Variants in ANKRD36C observed in about 807,000 individuals in gnomAD.
The protein encoded by ANKRD36C is ankyrin repeat domain 36C.
A neutral mutation model predicts 276.4 loss-of-function variants in ANKRD36C; 61 were observed. The ratio of observed to expected loss-of-function variants is 0.22; its 90% CI spans 0.18 to 0.27. The LOEUF is 0.27. Ranked by LOEUF, ANKRD36C falls within the 10% of genes least tolerant of loss-of-function variation. The pLI, the probability that ANKRD36C is intolerant of heterozygous loss-of-function variation, is 1.00. For synonymous variants in ANKRD36C, 483 were observed against 680.1 expected (o/e 0.71, Z 4.51); for missense variants, 1,447 against 2,032.3 (o/e 0.71, Z 5.54).
chr2:95,889,860 G>T, exon 48 of ANKRD36C: 7 of 1,604,316 alleles, frequency 4.4e-6, no homozygotes, highest in Non-Finnish European at 6.0e-6. Context: ...AATTTTCCTT[G>T]TCACTTGTAG....
Position 95,851,887 on chromosome 2 carries a change from A to G in ANKRD36C, c.5220-100T>C, listed in dbSNP as rs1395897164. On this transcript the variant is annotated intron_variant, in intron 65 of 66. Transcript: ENST00000456556. ...TGAAGGTATAATTACACAAATTCTT[A>G]GCAATCACAAAAGTAGACGATTGGG... 3 of 1,305,876 alleles carry G rather than the reference A, an allele frequency of 2.3e-6. No homozygotes were observed. In the African/African-American group the frequency reaches 4.5e-5, roughly 20 times the overall value. 80.9% of individuals were successfully genotyped at this position (1,305,876 alleles called of 1,614,324 possible).
downstream of ANKRD36C, among the ~76,000 whole-genome samples, chr2:95,849,790 A>C (rs1414176479): frequency 6.6e-6 from 1 of 152,198 alleles, no homozygotes; most frequent in Non-Finnish European, 1.5e-5. Flanking sequence ...CTCCTGTGAG[A>C]ATCTAATGGC....
chr2:95,897,306 C>G lies in ANKRD36C; in HGVS notation c.2755+1839G>C. The G allele has an allele frequency of 2.0e-6, 3 of 1,536,814 alleles. 1 individual carries two copies. Among genetic ancestry groups the G allele is most frequent in the Non-Finnish European group, 2.6e-6 (3 of 1,135,106 alleles). On this transcript the variant is annotated intron_variant, in intron 44 of 66. Transcript: ENST00000456556. ...TTTTCTCCATGCTTTTTTCCTCTGG[C>G]TATATTCAAAAGAGAATCTTTCTCA...
At chr2:95,974,659 T>C (rs1678767727) in intron 6 of ANKRD36C, among the ~76,000 whole-genome samples, 1 of 148,684 alleles carries the variant, frequency 6.7e-6, no homozygotes, top group Admixed American at 6.7e-5. Context: ...AGGCTACTTC[T>C]TTTTTTTTTA....
chr2:95,982,101 A>C (rs1312596953), intron 4 of ANKRD36C, among the ~76,000 whole-genome samples, 155 bp downstream of exon 4: 1 of 152,166 alleles, frequency 6.6e-6, no homozygotes, highest in African/African-American at 2.4e-5. Flanking sequence ...TTGTTTTTCT[A>C]ACTAAGGGAT....
chr2:95,975,729 T>C (rs1678796268), intron 6 of ANKRD36C, among the ~76,000 whole-genome samples: 1 of 152,210 alleles, frequency 6.6e-6, no homozygotes. Flanking sequence ...AAGGACTTCA[T>C]GTCTAAAACA....
chr2:95,869,390 T>C (rs1432805795), intron 59 of ANKRD36C, among the ~76,000 whole-genome samples: 3 of 152,368 alleles, frequency 2.0e-5, no homozygotes, highest in Non-Finnish European at 4.4e-5. Flanking sequence ...GCAGTCACTT[T>C]AAAAGATTTT....
At chr2:95,897,531 G>T (rs1676589939) in intron 44 of ANKRD36C, 66 bp from the exon 59 acceptor site, 2 of 1,508,928 alleles carry the variant, frequency 1.3e-6, no homozygotes, top group East Asian at 2.5e-5. Context: ...ACATATTCAT[G>T]CAGTGTTAGC....
At chr2:95,883,158 G>A (rs1284397993) in intron 54 of ANKRD36C, among the ~76,000 whole-genome samples, 2 of 151,982 alleles carry the variant, frequency 1.3e-5, no homozygotes, top group Non-Finnish European at 2.9e-5. Flanking sequence ...TCCACTCATG[G>A]CAACAAAGTA....
intron 63 of ANKRD36C, among the ~76,000 whole-genome samples, 152 bp from the exon 84 acceptor site, chr2:95,854,013 A>T: frequency 7.1e-6 from 1 of 140,384 alleles, no homozygotes; most frequent in South Asian, 2.5e-4. Context: ...CCCGTGTATT[A>T]CTGAATCCAG....
At chr2:95,915,811 T>C (rs534399400) in intron 38 of ANKRD36C, among the ~76,000 whole-genome samples, 169 bp downstream of exon 40, 2 of 151,674 alleles carry the variant, frequency 1.3e-5, no homozygotes, top group South Asian at 4.1e-4. Flanking sequence ...GCGAAGATCA[T>C]GTTCCAGACC....
intron 13 of ANKRD36C, among the ~76,000 whole-genome samples, chr2:95,954,938 C>G (rs537286177): frequency 6.6e-6 from 1 of 152,244 alleles, no homozygotes; most frequent in Non-Finnish European, 1.5e-5. Flanking sequence ...TAGGAAAGCC[C>G]AGATTCCTCA....
chr2:95,984,275 G>A (rs1190209726), intron 3 of ANKRD36C, among the ~76,000 whole-genome samples: 1 of 151,704 alleles, frequency 6.6e-6, no homozygotes, highest in Non-Finnish European at 1.5e-5. Context: ...ACCTAGGTAG[G>A]CACAGTAGCA....
intron 22 of ANKRD36C, among the ~76,000 whole-genome samples, chr2:95,938,458 T>C (rs1197585381): frequency 6.6e-6 from 1 of 152,078 alleles, no homozygotes; most frequent in Admixed American, 6.5e-5. Context: ...TCTAAAACAA[T>C]TGTAATGTCA....
chr2:95,945,113 C>T lies in ANKRD36C; in HGVS notation c.1423+1G>A. ...TAATAGTCAGGTTTCAAATAGCTTACACTTTTCTGCAGATTGTTGAGAAAT... is the reference window on the plus strand; with the variant it reads ...TAATAGTCAGGTTTCAAATAGCTTATACTTTTCTGCAGATTGTTGAGAAAT... On this transcript the variant is annotated splice_donor_variant, in intron 18 of 66. Coordinates refer to ENST00000456556, the Ensembl canonical transcript of ANKRD36C. LOFTEE classifies it high-confidence loss of function. 1 of 1,537,080 alleles carries T rather than the reference C, an allele frequency of 6.5e-7. No homozygotes were observed. The highest frequency in any genetic ancestry group is 8.7e-7 in the Non-Finnish European group (1 of 1,146,232).
chr2:95,916,374 C>G (rs1202965121), intron 36 of ANKRD36C, among the ~76,000 whole-genome samples: 2 of 151,508 alleles, frequency 1.3e-5, no homozygotes, highest in East Asian at 2.0e-4. Flanking sequence ...TATACCCTTA[C>G]AATTTCAAAC....
At chr2:95,890,078 T>G in intron 46 of ANKRD36C, 84 bp from the exon 67 acceptor site, 2 of 1,505,794 alleles carry the variant, frequency 1.3e-6, no homozygotes, top group Non-Finnish European at 1.8e-6. Context: ...AGCATCAATC[T>G]CTGTCCTCCT....
intron 42 of ANKRD36C, among the ~76,000 whole-genome samples, chr2:95,908,032 C>A (rs1676793989): frequency 6.6e-6 from 1 of 150,876 alleles, no homozygotes; most frequent in Non-Finnish European, 1.5e-5. Flanking sequence ...TTCACACCTT[C>A]CTGCCTCACA....
intron 44 of ANKRD36C, 130 bp from the exon 63 acceptor site, chr2:95,893,854 T>G (rs1676452188): frequency 6.7e-7 from 1 of 1,498,406 alleles, no homozygotes; most frequent in Admixed American, 2.0e-5. Context: ...GCTTCTACTT[T>G]GTGTCTGGGG....
Sources: allele counts gnomAD v4.1 joint callset (sites outside exome capture counted in the v4.1 genomes callset), GRCh38; gene constraint gnomAD v4.1.1; transcripts MANE v1.5; gene names NCBI Gene and HGNC (gene_info 2026-07-23, HGNC 2026-07-21).